ZNF827: variants seen among roughly 807,000 people sequenced by gnomAD.
ZNF827 encodes the protein zinc finger protein 827.
In ZNF827, 13 loss-of-function variants were observed where a neutral mutation model predicts 102.4. The observed-to-expected ratio is 0.13, with a 90% CI of 0.08 to 0.20. The LOEUF (loss-of-function observed/expected upper bound fraction) is 0.20, where lower values mean the gene tolerates loss of function less well. Among genes scored for constraint, ZNF827 ranks in the 10% least tolerant of loss-of-function variants. The pLI is 1.00. For synonymous variants in ZNF827, 523 were observed against 536.2 expected (o/e 0.98, Z 0.34); for missense variants, 1,103 against 1,344.4 (o/e 0.82, Z 2.81).
intron 1 of ZNF827, among the ~76,000 whole-genome samples, chr4:145,915,843 C>T (rs1019482478): frequency 6.6e-6 from 1 of 152,178 alleles, no homozygotes; most frequent in African/African-American, 2.4e-5. Context: ...AACAAGTTAT[C>T]CACTTCCAAA....
rs1734782078 is a variant in ZNF827, at chr4:145,763,117, C to T, written c.3236G>A (p.Gly1079Glu). 2.6e-6 allele frequency: 4 copies of T among 1,535,980 alleles called. No individual in the cohort carries two copies. The highest frequency in any genetic ancestry group is 3.5e-6 in the Non-Finnish European group (4 of 1,146,894). Reference sequence around the variant, plus strand: ...AGAGGAGTCTGAAACTCACCACTGTCCTGAGCTACGGCAAAAGAAAAATAA... The same window carrying T: ...AGAGGAGTCTGAAACTCACCACTGTTCTGAGCTACGGCAAAAGAAAAATAA... ...HTVPTGGLNS[G>E]QW is the part of the protein sequence containing the mutation. The change falls in exon 14 of 15, where the codon GGA (glycine) becomes GAA (glutamate). Residue 1079 changes from glycine (G) to glutamate (E), a missense_variant. By Grantham distance (98) the Gly-to-Glu change is moderately conservative (BLOSUM62 -2). Transcript: ENST00000508784. The surrounding 1 kb of genome is among the most constrained non-coding windows in gnomAD (Gnocchi z 4.6).
chr4:145,905,732 C>A (rs959250845), intron 1 of ZNF827, among the ~76,000 whole-genome samples: 2 of 152,194 alleles, frequency 1.3e-5, no homozygotes, highest in Non-Finnish European at 2.9e-5. Flanking sequence ...GATTAAACAT[C>A]TCATCCTTCA....
chr4:145,887,399 A>G (rs1750205780), intron 3 of ZNF827, among the ~76,000 whole-genome samples: 1 of 152,180 alleles, frequency 6.6e-6, no homozygotes, highest in African/African-American at 2.4e-5. Flanking sequence ...GCCAAAACAT[A>G]CTTTTAAATA....
intron 2 of ZNF827, among the ~76,000 whole-genome samples, chr4:145,893,250 A>G (rs565986180): frequency 1.3e-5 from 2 of 152,354 alleles, no homozygotes; most frequent in South Asian, 4.1e-4. Flanking sequence ...CTGTTGTGAC[A>G]CTATTGCTAA....
intron 4 of ZNF827, among the ~76,000 whole-genome samples, chr4:145,874,073 C>T (rs1379500659): frequency 6.6e-6 from 1 of 150,684 alleles, no homozygotes; most frequent in African/African-American, 2.4e-5. Context: ...TTCTAGAGAT[C>T]ATTAAGCAGA....
intron 8 of ZNF827, among the ~76,000 whole-genome samples, chr4:145,801,686 C>T (rs189835182): frequency 6.6e-5 from 10 of 152,314 alleles, no homozygotes; most frequent in Admixed American, 5.9e-4. Context: ...GGAAGCCAAT[C>T]AATTTGATGT....
chr4:145,765,424 C>T lies in ZNF827; in HGVS notation c.3052+123G>A. ...AGAAATACAACCTTTAGGTGAGGCC[C>T]AGCATACTGCATCCTGGGCCTATTA... On this transcript the variant is annotated intron_variant, in intron 12 of 14. Transcript: ENST00000508784. This position sits in a 1 kb window ranked among gnomAD's most constrained non-coding sequence, Gnocchi z 4.7. The T allele has an allele frequency of 8.2e-7, 1 of 1,226,318 alleles. No homozygotes were observed. The highest frequency in any genetic ancestry group is 1.5e-5 in the African/African-American group (1 of 65,806). The allele number at this position is 1,226,318 out of a possible 1,614,324, so 76.0% of individuals were successfully genotyped here. A position where few individuals can be genotyped will look rare whatever the true frequency, so the allele number is the denominator to read the frequency against.
intron 3 of ZNF827, among the ~76,000 whole-genome samples, chr4:145,891,263 CCAGA>C (rs930489827): frequency 5.9e-5 from 9 of 152,184 alleles, no homozygotes; most frequent in Non-Finnish European, 8.8e-5. Context: ...GACAACTCTT[CCAGA>C]CAAACATTAT....
At chr4:145,862,964 C>A (rs998301869) in intron 5 of ZNF827, among the ~76,000 whole-genome samples, 2 of 152,102 alleles carry the variant, frequency 1.3e-5, no homozygotes, top group African/African-American at 2.4e-5. Flanking sequence ...GGACAACTGG[C>A]AGAACTGGGA....
chr4:145,869,283 C>T (rs1338225243), intron 5 of ZNF827, among the ~76,000 whole-genome samples: 1 of 152,176 alleles, frequency 6.6e-6, no homozygotes, highest in Non-Finnish European at 1.5e-5. Context: ...TTCTTACTTT[C>T]CAACCCACTA....
chr4:145,779,349 G>A (rs1737609328), intron 9 of ZNF827, 25 bp downstream of exon 9: 2 of 1,611,126 alleles, frequency 1.2e-6, no homozygotes, highest in Non-Finnish European at 1.7e-6. Flanking sequence ...ATAGAGGGCT[G>A]ACAGCCCAGG....
rs768311381 is a variant in ZNF827 at position 145,902,597 on chromosome 4, G to C, written c.662C>G (p.Ala221Gly). Residue 221 changes from alanine to glycine, a missense_variant, in exon 2 of 15, where the codon GCC becomes GGC. Ala to Gly is a moderately conservative substitution (Grantham distance 60). Around this residue, in one of 5 missense-constraint regions of ZNF827, gnomAD observed 441 missense variants for 458.6 expected, o/e 0.96. Transcript: ENST00000508784. This position sits in a 1 kb window ranked among gnomAD's most constrained non-coding sequence, Gnocchi z 4.3. ...GGTGAGAGATTTGTCCTGCAGAACG[G>C]CATTGGCTGCAGCTTTCAGTTTTAG... ...AILKLKAAAN[A>G]VLQDKSLTRT... 1 of 1,614,014 alleles carries C rather than the reference G, an allele frequency of 6.2e-7. No homozygotes were observed. Among genetic ancestry groups the C allele is most frequent in the Non-Finnish European group, 8.5e-7 (1 of 1,179,926 alleles).
chr4:145,813,117 C>A (rs930896497), intron 8 of ZNF827, among the ~76,000 whole-genome samples: 1 of 152,138 alleles, frequency 6.6e-6, no homozygotes, highest in Non-Finnish European at 1.5e-5. Flanking sequence ...TGACATCTAT[C>A]AACATTATCA....
At chr4:145,884,432 A>G (rs1749934876) in intron 4 of ZNF827, among the ~76,000 whole-genome samples, 1 of 152,206 alleles carries the variant, frequency 6.6e-6, no homozygotes, top group Non-Finnish European at 1.5e-5. Context: ...GTGACCAATT[A>G]TTCTCCATTT....
intron 1 of ZNF827, among the ~76,000 whole-genome samples, chr4:145,921,738 C>T (rs1458949408): frequency 1.3e-5 from 2 of 152,222 alleles, no homozygotes; most frequent in South Asian, 2.1e-4. Context: ...AAAAAGAAGA[C>T]ACGAAGACCA....
At chr4:145,903,326 C>G in intron 1 of ZNF827, 111 bp from the exon 2 acceptor site, 1 of 1,452,776 alleles carries the variant, frequency 6.9e-7, no homozygotes, top group Non-Finnish European at 9.0e-7. Flanking sequence ...ACCCAAGAAC[C>G]AAATGAAAGG....
intron 3 of ZNF827, among the ~76,000 whole-genome samples, chr4:145,888,416 A>T (rs1264166694): frequency 1.3e-5 from 2 of 152,196 alleles, no homozygotes. Context: ...TCTCCAGGCC[A>T]TGTTTAGGGG....
At chr4:145,792,780 TCTTC>T (rs1739896522) in intron 8 of ZNF827, among the ~76,000 whole-genome samples, 1 of 152,210 alleles carries the variant, frequency 6.6e-6, no homozygotes, top group South Asian at 2.1e-4. Flanking sequence ...AAAAAAGATG[TCTTC>T]CTTCCATTTC....
chr4:145,833,489 G>A (rs1194626190), intron 7 of ZNF827, among the ~76,000 whole-genome samples: 2 of 151,982 alleles, frequency 1.3e-5, no homozygotes, highest in Non-Finnish European at 2.9e-5. Flanking sequence ...CTGGGGCAGG[G>A]GCAAGTACCC....
Sources: allele counts gnomAD v4.1 joint callset (sites outside exome capture counted in the v4.1 genomes callset), GRCh38; gene constraint gnomAD v4.1.1; regional missense constraint gnomAD v4.1.1; non-coding constraint Gnocchi (gnomAD v3.1); transcripts MANE v1.5; gene names NCBI Gene and HGNC (gene_info 2026-07-23, HGNC 2026-07-21).